LRP2: variants seen among roughly 807,000 people sequenced by gnomAD.
The protein encoded by LRP2 is LDL receptor related protein 2.
Under a neutral mutation model 531.0 loss-of-function variants are expected in LRP2, and 172 were observed. That is an observed-to-expected ratio of 0.32 (90% CI 0.29 to 0.37). The LOEUF (loss-of-function observed/expected upper bound fraction) is 0.37. LRP2 is among the 10% of genes least tolerant of loss of function. LRP2 has a pLI of 1.00. For missense variants in LRP2, 5,167 were observed against 5,868.3 expected, an observed-to-expected ratio of 0.88 and a Z score of 3.90; for synonymous variants, 1,992 against 2,027.6, an observed-to-expected ratio of 0.98 and a Z score of 0.47.
At chr2:169,256,419 C>A (rs1298792064) in intron 18 of LRP2, among the ~76,000 whole-genome samples, 183 bp from the exon 19 acceptor site, 1 of 151,648 alleles carries the variant, frequency 6.6e-6, no homozygotes, top group African/African-American at 2.4e-5. Flanking sequence ...GGCTACTTTT[C>A]ATGAAGTGGC....
intron 42 of LRP2, 106 bp downstream of exon 42, chr2:169,203,876 C>A (rs555683689): frequency 3.3e-6 from 4 of 1,210,684 alleles, no homozygotes; most frequent in Admixed American, 1.8e-5. Context: ...ACCCTGACAT[C>A]AAGGAGAATT....
At chr2:169,130,865 T>C (rs374561415) in intron 77 of LRP2, among the ~76,000 whole-genome samples, 21 of 152,276 alleles carry the variant, frequency 1.4e-4, no homozygotes, top group African/African-American at 4.1e-4. Flanking sequence ...AGGACTACAA[T>C]TGGTGAAGAT....
chr2:169,289,209 T>C (rs1447550531), intron 8 of LRP2, 64 bp from the exon 9 acceptor site: 2 of 1,596,888 alleles, frequency 1.3e-6, no homozygotes, highest in African/African-American at 2.7e-5. Flanking sequence ...ATTAATCTAA[T>C]AGCTTCTTTT....
chr2:169,300,258 A>G (rs528477184), intron 4 of LRP2, among the ~76,000 whole-genome samples: 1 of 152,262 alleles, frequency 6.6e-6, no homozygotes, highest in Non-Finnish European at 1.5e-5. Context: ...ACAATGGGAA[A>G]AAAAACTTGC....
rs946150938 is a variant in LRP2, at chr2:169,244,063, C to G, written c.3431-541G>C. On this transcript the variant is annotated intron_variant, in intron 22 of 78. Transcript: ENST00000649046. ...AACATGAAATTATATTAAATACACA[C>G]TTATAGGGTATGAAAGCTAGAAGGG... 6.6e-5 allele frequency among the ~76,000 whole-genome samples: 10 copies of G among 152,194 alleles called. No individual in the cohort carries two copies. The East Asian group carries it at 1.9e-3, about 29-fold the overall frequency.
chr2:169,130,680 C>G (rs1311927554), intron 77 of LRP2, among the ~76,000 whole-genome samples: 2 of 152,154 alleles, frequency 1.3e-5, no homozygotes, highest in Non-Finnish European at 2.9e-5. Flanking sequence ...TGATCTCACC[C>G]AAGCGCCTCT....
chr2:169,258,953 T>G lies in LRP2; in HGVS notation c.2513+72A>C, dbSNP rs1690421938. The G allele has an allele frequency of 1.3e-5, 17 of 1,307,566 alleles. No homozygotes were observed. In the South Asian group the frequency reaches 2.0e-4, roughly 15 times the overall value. 81.0% of individuals were successfully genotyped at this position (1,307,566 alleles called of 1,614,324 possible). A position where few individuals can be genotyped will look rare whatever the true frequency, so the allele number is the denominator to read the frequency against. On this transcript the variant is annotated intron_variant, in intron 17 of 78. Coordinates refer to ENST00000649046, the MANE Select transcript of LRP2 (RefSeq NM_004525.3). ...TATTTGCTGAACTTACCTAAATCCC[T>G]AGGGCATCACTTTTCAATGACTGTA...
At chr2:169,166,768 T>A (rs1395995078) in intron 61 of LRP2, among the ~76,000 whole-genome samples, 1 of 152,148 alleles carries the variant, frequency 6.6e-6, no homozygotes, top group East Asian at 1.9e-4. Context: ...AGTCCCCAGG[T>A]CCCCTACTTG....
chr2:169,286,366 A>C (rs1453298517), intron 9 of LRP2, among the ~76,000 whole-genome samples: 2 of 152,246 alleles, frequency 1.3e-5, no homozygotes, highest in Non-Finnish European at 2.9e-5. Flanking sequence ...TGTGGAACTT[A>C]AAATTAGTGC....
chr2:169,272,231 A>G (rs1434136724), intron 15 of LRP2, among the ~76,000 whole-genome samples: 1 of 152,164 alleles, frequency 6.6e-6, no homozygotes, highest in African/African-American at 2.4e-5. Flanking sequence ...GTAGGAGTGC[A>G]TTTCATCATT....
chr2:169,285,993 T>C (rs1260839060), intron 9 of LRP2, among the ~76,000 whole-genome samples: 1 of 152,206 alleles, frequency 6.6e-6, no homozygotes, highest in Admixed American at 6.5e-5. Flanking sequence ...CAGAGAGTAT[T>C]TGTTGAAATG....
At chr2:169,142,816 A>G in intron 70 of LRP2, 23 bp from the exon 71 acceptor site, 1 of 1,613,334 alleles carries the variant, frequency 6.2e-7, no homozygotes, top group Non-Finnish European at 8.5e-7. Context: ...TGAGAACAGC[A>G]GTTAGGTCCT....
intron 16 of LRP2, among the ~76,000 whole-genome samples, chr2:169,261,521 C>CAAA (rs34719462): frequency 0.25 from 32,876 of 129,164 alleles, 3,983 homozygotes; most frequent in South Asian, 0.33. Flanking sequence ...TGTACTCATT[C>CAAA]AAAAAAAAAA....
intron 63 of LRP2, among the ~76,000 whole-genome samples, chr2:169,158,844 A>G (rs1686457666): frequency 8.8e-6 from 1 of 113,950 alleles, no homozygotes; most frequent in African/African-American, 3.2e-5. Flanking sequence ...GAACTTTCAC[A>G]GTAAAAAAAA....
intron 4 of LRP2, among the ~76,000 whole-genome samples, chr2:169,297,088 G>C (rs886939023): frequency 1.1e-4 from 16 of 152,270 alleles, no homozygotes; most frequent in African/African-American, 3.6e-4. Context: ...ACCAAATACT[G>C]AAAATACCTG....
In LRP2 at chr2:169,181,433, T is replaced by C; in HGVS notation, c.10169+15A>G. The C allele has an allele frequency of 1.2e-6, 2 of 1,612,680 alleles. No individual in the cohort carries two copies. The highest frequency in any genetic ancestry group is 1.1e-5 in the South Asian group (1 of 91,044). ...AACAGTTACACAATTGTTTTATGCT[T>C]TTCTATGTACGTACTCTATGTAACC... On this transcript the variant is annotated intron_variant, in intron 52 of 78. Transcript: ENST00000649046.
chr2:169,214,126 G>A (rs556433267), intron 35 of LRP2, among the ~76,000 whole-genome samples: 1 of 152,200 alleles, frequency 6.6e-6, no homozygotes, highest in South Asian at 2.1e-4. Context: ...AGGTGGCACG[G>A]TGAAGAAAAG....
At chr2:169,233,660 A>C (rs1689496415) in intron 29 of LRP2, 72 bp from the exon 30 acceptor site, 1 of 1,312,012 alleles carries the variant, frequency 7.6e-7, no homozygotes, top group Non-Finnish European at 1.1e-6. Flanking sequence ...CAAAGAGGAT[A>C]TCTGCTCAAG....
At chr2:169,338,696 T>C (rs1452397479) in intron 1 of LRP2, among the ~76,000 whole-genome samples, 1 of 152,202 alleles carries the variant, frequency 6.6e-6, no homozygotes, top group Non-Finnish European at 1.5e-5. Flanking sequence ...CAACAGCTTT[T>C]CCACAGAAGG....
Sources: gnomAD v4.1 joint callset for allele counts (sites outside exome capture counted in the v4.1 genomes callset) on GRCh38, gnomAD v4.1.1 for gene constraint, MANE v1.5 for transcripts, NCBI Gene and HGNC (gene_info 2026-07-23, HGNC 2026-07-21) for gene names.